The following CDK14 variants were observed in gnomAD, a reference collection of about 807,000 sequenced individuals.
CDK14 encodes the protein cyclin dependent kinase 14.
CDK14 carries 34 observed loss-of-function variants against 60.7 expected under a neutral mutation model. The ratio of observed to expected loss-of-function variants is 0.56; its 90% confidence interval spans 0.43 to 0.75. The LOEUF (loss-of-function observed/expected upper bound fraction) is 0.75. Among genes scored for constraint, CDK14 ranks in the 30% least tolerant of loss-of-function variants. The pLI is 0.00. For missense variants in CDK14, 482 were observed against 564.1 expected (o/e 0.85, Z 1.47); for synonymous variants, 197 against 203.7 (o/e 0.97, Z 0.28).
At chr7:90,836,694 T>TG (rs1790111587) in intron 5 of CDK14, among the ~76,000 whole-genome samples, 1 of 152,250 alleles carries the variant, frequency 6.6e-6, no homozygotes. Context: ...CAAGTATTAT[T>TG]GTTCTGTACA....
chr7:90,663,172 T>G (rs570369821), intron 2 of CDK14, among the ~76,000 whole-genome samples: 1 of 151,958 alleles, frequency 6.6e-6, no homozygotes, highest in South Asian at 2.1e-4. Context: ...ACCCCCTTCT[T>G]TCTTACCAAC....
chr7:91,062,420 C>T (rs931090900), intron 11 of CDK14, among the ~76,000 whole-genome samples: 6 of 152,000 alleles, frequency 3.9e-5, no homozygotes, highest in Non-Finnish European at 8.8e-5. Context: ...CACCCACTCT[C>T]CGACATTCAC....
intron 2 of CDK14, among the ~76,000 whole-genome samples, chr7:90,704,652 T>C (rs1690762294): frequency 6.6e-6 from 1 of 152,074 alleles, no homozygotes; most frequent in African/African-American, 2.4e-5. Context: ...AGTTCTTTTT[T>C]CCCCTACAGA....
chr7:90,931,757 A>C (rs1793596659), intron 8 of CDK14, among the ~76,000 whole-genome samples: 1 of 150,484 alleles, frequency 6.6e-6, no homozygotes, highest in African/African-American at 2.5e-5. Flanking sequence ...AAATATTTCA[A>C]ATGAAACTTT....
intron 14 of CDK14, among the ~76,000 whole-genome samples, chr7:91,151,931 G>C (rs1368708516): frequency 6.6e-6 from 1 of 152,152 alleles, no homozygotes; most frequent in Non-Finnish European, 1.5e-5. Flanking sequence ...ACATGAGATG[G>C]AACAGTCCTT....
At chr7:91,174,571 A>C (rs1476579275) in intron 14 of CDK14, among the ~76,000 whole-genome samples, 2 of 145,982 alleles carry the variant, frequency 1.4e-5, no homozygotes, top group Non-Finnish European at 1.5e-5. Flanking sequence ...AAAATTTAGA[A>C]GAATGTATAA....
At chr7:90,748,240 C>T (rs1803676331) in intron 4 of CDK14, among the ~76,000 whole-genome samples, 1 of 152,070 alleles carries the variant, frequency 6.6e-6, no homozygotes. Context: ...TTTCTTTCTT[C>T]CTGTCTGCTT....
chr7:91,010,885 T>C (rs1420925923), intron 10 of CDK14, among the ~76,000 whole-genome samples: 1 of 140,010 alleles, frequency 7.1e-6, no homozygotes, highest in Non-Finnish European at 1.5e-5. Context: ...TTCTTTTTTT[T>C]TTGCCTTATA....
chr7:91,096,140 C>T (rs1798986420), intron 12 of CDK14, among the ~76,000 whole-genome samples: 1 of 151,170 alleles, frequency 6.6e-6, no homozygotes, highest in Non-Finnish European at 1.5e-5. Context: ...AGGTGGCTCC[C>T]AGCGATCCCA....
At chr7:90,708,648 G>A (rs1285571587) in intron 2 of CDK14, among the ~76,000 whole-genome samples, 1 of 152,134 alleles carries the variant, frequency 6.6e-6, no homozygotes, top group Non-Finnish European at 1.5e-5. Flanking sequence ...AACCAATTAG[G>A]ATGTGAAGGG....
chr7:91,122,218 ACC>A (rs1172247596), intron 14 of CDK14, among the ~76,000 whole-genome samples: 1 of 151,942 alleles, frequency 6.6e-6, no homozygotes. Context: ...TGTTTTGGTG[ACC>A]CTCTCCTTAC....
At chr7:90,682,208 G>A (rs1255067705) in intron 2 of CDK14, among the ~76,000 whole-genome samples, 1 of 151,934 alleles carries the variant, frequency 6.6e-6, no homozygotes, top group Non-Finnish European at 1.5e-5. Context: ...AACGTATCCA[G>A]TAAACAGTAA....
intron 4 of CDK14, among the ~76,000 whole-genome samples, chr7:90,782,069 T>C (rs1286108508): frequency 6.6e-6 from 1 of 152,218 alleles, no homozygotes; most frequent in Non-Finnish European, 1.5e-5. Flanking sequence ...TTCTTCCATT[T>C]GTTTGTATCC....
At chr7:90,603,699 A>G (rs1214167522) in intron 1 of CDK14, among the ~76,000 whole-genome samples, 1 of 152,242 alleles carries the variant, frequency 6.6e-6, no homozygotes, top group Non-Finnish European at 1.5e-5. Context: ...TATAAAATTT[A>G]TCATGTCGAA....
At chr7:90,660,425 A>G (rs1800845647) in intron 2 of CDK14, among the ~76,000 whole-genome samples, 1 of 152,172 alleles carries the variant, frequency 6.6e-6, no homozygotes, top group Admixed American at 6.5e-5. Flanking sequence ...AATATTGCCT[A>G]CCTCTTAGCT....
At chr7:91,111,758 T>C (rs1381328159) in intron 12 of CDK14, among the ~76,000 whole-genome samples, 1 of 152,220 alleles carries the variant, frequency 6.6e-6, no homozygotes, top group Non-Finnish European at 1.5e-5. Context: ...GGAATACTTT[T>C]ATTATCATTA....
At chr7:90,974,227 A>T (rs1042521597) in intron 9 of CDK14, among the ~76,000 whole-genome samples, 14 of 152,144 alleles carry the variant, frequency 9.2e-5, no homozygotes, top group African/African-American at 3.4e-4. Context: ...CCTTATGGTT[A>T]TCTTTCCTTG....
At chr7:91,041,590 A>G (rs1797092212) in intron 10 of CDK14, among the ~76,000 whole-genome samples, 2 of 152,234 alleles carry the variant, frequency 1.3e-5, no homozygotes, top group African/African-American at 4.8e-5. Context: ...TAACTTGAAC[A>G]ACAGTTTCAT....
intron 5 of CDK14, among the ~76,000 whole-genome samples, chr7:90,841,146 TA>T (rs1483353225): frequency 3.9e-5 from 6 of 152,094 alleles, no homozygotes; most frequent in African/African-American, 9.6e-5. Flanking sequence ...ATAATCAGGG[TA>T]AAAAAAAGTT....
Sources: gnomAD v4.1 joint callset for allele counts (sites outside exome capture counted in the v4.1 genomes callset) on GRCh38, gnomAD v4.1.1 for gene constraint, MANE v1.5 for transcripts, NCBI Gene and HGNC (gene_info 2026-07-23, HGNC 2026-07-21) for gene names.